The following PRIM2 variants were observed in gnomAD, a reference collection of about 807,000 sequenced individuals.
PRIM2 encodes DNA primase subunit 2, also known as DNA primase large subunit.
In PRIM2, 39 loss-of-function variants were observed where a neutral mutation model predicts 67.3. That is an observed-to-expected ratio of 0.58 (90% CI 0.45 to 0.76). PRIM2 has a LOEUF of 0.76. Among genes scored for constraint, PRIM2 ranks in the 30% least tolerant of loss-of-function variants. The pLI is 0.00. For missense variants in PRIM2, 398 were observed against 598.7 expected, an observed-to-expected ratio of 0.66 and a Z score of 3.50; for synonymous variants, 143 against 198.7, an observed-to-expected ratio of 0.72 and a Z score of 2.36.
At chr6:57,644,170 C>T (rs1335709498) in intron 13 of PRIM2, among the ~76,000 whole-genome samples, 1 of 152,152 alleles carries the variant, frequency 6.6e-6, no homozygotes, top group African/African-American at 2.4e-5. Context: ...CCCTGCCTGT[C>T]TTTCCAACCT....
At chr6:57,539,650 GTGTGTGTATATATA>G (rs1209317173) in intron 10 of PRIM2, among the ~76,000 whole-genome samples, 211 of 104,310 alleles carry the variant, frequency 2.0e-3, no homozygotes, top group African/African-American at 3.4e-3. Flanking sequence ...GTGTGTGTGT[GTGTGTGTATATATA>G]TATATATATG....
chr6:57,325,387 C>T lies in PRIM2; in HGVS notation c.339-538C>T, dbSNP rs79373636. Reference sequence around the variant, plus strand: ...TGATCTCGGCTCACTGCAGCCTCAACATCCGTGGGCTCAGGTGATCCTCCC... The same window carrying T: ...TGATCTCGGCTCACTGCAGCCTCAATATCCGTGGGCTCAGGTGATCCTCCC... On this transcript the variant is annotated intron_variant, in intron 4 of 13. Transcript: ENST00000615550. Among the ~76,000 whole-genome samples the T allele has an allele frequency of 3.4e-5, 5 of 147,782 alleles. No individual in the cohort carries two copies. The East Asian group carries it at 1.0e-3, about 30-fold the overall frequency.
chr6:57,317,818 G>A (rs1006650454), intron 1 of PRIM2, 117 bp downstream of exon 1: 1 of 153,104 alleles, frequency 6.5e-6, no homozygotes, highest in African/African-American at 2.4e-5. Flanking sequence ...GGACAGACTT[G>A]GCGGGTTGGT....
chr6:57,600,302 T>C (rs1221085345), intron 10 of PRIM2, among the ~76,000 whole-genome samples: 1 of 151,472 alleles, frequency 6.6e-6, no homozygotes, highest in Non-Finnish European at 1.5e-5. Flanking sequence ...AAGCATTTGC[T>C]GACTACTTTG....
In PRIM2 at chr6:57,327,860, C is replaced by T. The variant is rs188018634; in HGVS notation, c.459+1815C>T. Among the ~76,000 whole-genome samples the T allele has an allele frequency of 9.1e-4, 139 of 152,258 alleles. 1 individual carries two copies. The highest frequency in any genetic ancestry group is 3.2e-3 in the African/African-American group (131 of 41,546). ...GGTTTCATGGAAGACAATTTTTCCA[C>T]GGACTGAGGTCGGGGGATGGGGAGG... On this transcript the variant is annotated intron_variant, in intron 5 of 13. Coordinates refer to ENST00000615550, the MANE Select transcript of PRIM2 (RefSeq NM_000947.5).
intron 12 of PRIM2, among the ~76,000 whole-genome samples, chr6:57,614,559 G>C (rs1776720333): frequency 6.6e-6 from 1 of 151,982 alleles, no homozygotes; most frequent in African/African-American, 2.4e-5. Context: ...TTAAAATATT[G>C]GTGTACGTTG....
chr6:57,641,788 T>C (rs1279517644), intron 13 of PRIM2, among the ~76,000 whole-genome samples: 1 of 151,860 alleles, frequency 6.6e-6, no homozygotes, highest in East Asian at 1.9e-4. Context: ...TTGGTGGGAG[T>C]GTAAATTAGT....
chr6:57,405,003 A>G (rs1478241656), intron 7 of PRIM2, among the ~76,000 whole-genome samples: 1 of 149,230 alleles, frequency 6.7e-6, no homozygotes, highest in Non-Finnish European at 1.5e-5. Flanking sequence ...ATTTTTATAC[A>G]TTATTTATCC....
chr6:57,551,209 G>T (rs1775393764), intron 10 of PRIM2, among the ~76,000 whole-genome samples: 1 of 152,050 alleles, frequency 6.6e-6, no homozygotes. Context: ...ACTGTTGTGG[G>T]GACCCAGAGA....
At chr6:57,406,058 A>G (rs1323590768) in intron 7 of PRIM2, among the ~76,000 whole-genome samples, 2 of 152,204 alleles carry the variant, frequency 1.3e-5, no homozygotes, top group Non-Finnish European at 2.9e-5. Flanking sequence ...AGAGTGATGG[A>G]CTTGTCTGGG....
intron 7 of PRIM2, among the ~76,000 whole-genome samples, chr6:57,488,347 T>C (rs1773800732): frequency 6.6e-6 from 1 of 152,232 alleles, no homozygotes; most frequent in Non-Finnish European, 1.5e-5. Context: ...GATTATTGCC[T>C]TAGCAACAGC....
At chr6:57,386,843 C>A (rs1045732638) in intron 7 of PRIM2, among the ~76,000 whole-genome samples, 15 of 151,440 alleles carry the variant, frequency 9.9e-5, no homozygotes, top group Non-Finnish European at 2.2e-4. Flanking sequence ...AGAAAAAGTA[C>A]CCTAAAGTAG....
chr6:57,350,215 G>A (rs927555947), intron 5 of PRIM2, among the ~76,000 whole-genome samples: 3 of 152,092 alleles, frequency 2.0e-5, no homozygotes, highest in Admixed American at 2.0e-4. Flanking sequence ...TAGTGAAGGT[G>A]CCTTTTTTTC....
At chr6:57,609,379 T>C (rs1439629450) in intron 12 of PRIM2, among the ~76,000 whole-genome samples, 1 of 152,088 alleles carries the variant, frequency 6.6e-6, no homozygotes, top group Non-Finnish European at 1.5e-5. Flanking sequence ...TAAAGTAAGG[T>C]CATCAGCTGG....
At chr6:57,231,406 A>C in the PRIM2 span, among the ~76,000 whole-genome samples, 3 of 152,216 alleles carry the variant, frequency 2.0e-5, no homozygotes, top group Non-Finnish European at 4.4e-5. Flanking sequence ...ATAATGATGC[A>C]AAAACAAATT....
chr6:57,408,888 T>A (rs1467691620), intron 7 of PRIM2, among the ~76,000 whole-genome samples: 2 of 152,128 alleles, frequency 1.3e-5, no homozygotes, highest in Non-Finnish European at 2.9e-5. Flanking sequence ...TTTGTAAAAT[T>A]TTTTGTAGAG....
At chr6:57,492,542 T>TAAA (rs1446103302) in intron 7 of PRIM2, among the ~76,000 whole-genome samples, 11 of 146,922 alleles carry the variant, frequency 7.5e-5, no homozygotes, top group African/African-American at 2.8e-4. Context: ...GAACTCTCTC[T>TAAA]AAAAAAAAAA....
At chr6:57,285,373 A>G in the PRIM2 span, among the ~76,000 whole-genome samples, 32 of 152,362 alleles carry the variant, frequency 2.1e-4, no homozygotes, top group South Asian at 6.0e-3. Flanking sequence ...AAAATCCTCA[A>G]TAAAATACTG....
intron 7 of PRIM2, among the ~76,000 whole-genome samples, chr6:57,442,520 T>A (rs1772232948): frequency 6.6e-6 from 1 of 152,054 alleles, no homozygotes; most frequent in Non-Finnish European, 1.5e-5. Flanking sequence ...AGAATTATGG[T>A]CAGGAAGCAT....
Sources: gnomAD v4.1 joint callset for allele counts (sites outside exome capture counted in the v4.1 genomes callset) on GRCh38, gnomAD v4.1.1 for gene constraint, MANE v1.5 for transcripts, NCBI Gene and HGNC (gene_info 2026-07-23, HGNC 2026-07-21) for gene names.